HCRTR2: variants seen among roughly 807,000 people sequenced by gnomAD.
HCRTR2 encodes the protein orexin receptor type 2.
In HCRTR2, 22 loss-of-function variants were observed where a neutral mutation model predicts 49.0. That is an observed-to-expected ratio of 0.45 (90% CI 0.32 to 0.64). The LOEUF is 0.64. HCRTR2 is among the 30% of genes least tolerant of loss of function. HCRTR2 has a pLI of 0.04. For missense variants in HCRTR2, 491 were observed against 559.4 expected (o/e 0.88, Z 1.23); for synonymous variants, 236 against 205.3 (o/e 1.15, Z -1.28).
intron 1 of HCRTR2, among the ~76,000 whole-genome samples, chr6:55,124,470 G>T (rs1286888628): frequency 1.3e-5 from 2 of 152,160 alleles, no homozygotes; most frequent in African/African-American, 2.4e-5. Context: ...TTGCACTGTG[G>T]TCTGAGAGAC....
At chr6:55,242,387 G>GA (rs71771116) in intron 1 of HCRTR2, among the ~76,000 whole-genome samples, 211 of 151,186 alleles carry the variant, frequency 1.4e-3, no homozygotes, top group Middle Eastern at 3.4e-3. Context: ...GCCCCTGGGG[G>GA]AAAAAAAAAT....
At chr6:55,220,959 A>T (rs1370457234) in intron 1 of HCRTR2, among the ~76,000 whole-genome samples, 3 of 152,200 alleles carry the variant, frequency 2.0e-5, no homozygotes, top group South Asian at 4.1e-4. Context: ...TATTATCAAA[A>T]ATGACTAAAA....
At chr6:55,112,136 A>G (rs539197044) in intron 1 of HCRTR2, among the ~76,000 whole-genome samples, 95 of 152,164 alleles carry the variant, frequency 6.2e-4, no homozygotes, top group African/African-American at 2.2e-3. Flanking sequence ...CATAGAAGGA[A>G]CATATCTTAG....
At chr6:55,241,597 A>C (rs1042957913) in intron 1 of HCRTR2, among the ~76,000 whole-genome samples, 1 of 152,148 alleles carries the variant, frequency 6.6e-6, no homozygotes, top group African/African-American at 2.4e-5. Flanking sequence ...ACAACTTACT[A>C]CAAATAATAC....
chr6:55,217,086 T>C (rs1765800868), intron 1 of HCRTR2, among the ~76,000 whole-genome samples: 1 of 151,964 alleles, frequency 6.6e-6, no homozygotes, highest in South Asian at 2.1e-4. Context: ...AATGATGCGC[T>C]CACATGAAGG....
chr6:55,181,516 A>T (rs1436744118), intron 1 of HCRTR2, among the ~76,000 whole-genome samples: 1 of 152,210 alleles, frequency 6.6e-6, no homozygotes, highest in Non-Finnish European at 1.5e-5. Context: ...TTTGCCTTCA[A>T]TACTAAACAC....
intron 1 of HCRTR2, among the ~76,000 whole-genome samples, chr6:55,175,414 T>C (rs1448100254): frequency 6.6e-6 from 1 of 152,010 alleles, no homozygotes; most frequent in Non-Finnish European, 1.5e-5. Context: ...TTAAACAGGA[T>C]CCATGCCTGG....
chr6:55,151,660 C>T (rs1295620053), intron 1 of HCRTR2, among the ~76,000 whole-genome samples: 1 of 151,994 alleles, frequency 6.6e-6, no homozygotes, highest in East Asian at 1.9e-4. Context: ...TTGGTTTCCA[C>T]CCACGAATCA....
chr6:55,185,850 A>G (rs904416693), intron 1 of HCRTR2, among the ~76,000 whole-genome samples: 2 of 152,230 alleles, frequency 1.3e-5, no homozygotes, highest in Non-Finnish European at 2.9e-5. Flanking sequence ...ATATTCCTTG[A>G]CAATCTTTCT....
chr6:55,149,700 T>C (rs1764638819), intron 1 of HCRTR2, among the ~76,000 whole-genome samples: 1 of 152,054 alleles, frequency 6.6e-6, no homozygotes, highest in Non-Finnish European at 1.5e-5. Context: ...AATATTTTAA[T>C]GATAAAAATA....
chr6:55,129,123 G>A (rs961165993), intron 1 of HCRTR2, among the ~76,000 whole-genome samples: 13 of 152,160 alleles, frequency 8.5e-5, no homozygotes, highest in African/African-American at 3.1e-4. Context: ...ATGATGCTTT[G>A]TTTATGCTAA....
At chr6:55,121,235 A>C (rs1398857908) in intron 1 of HCRTR2, among the ~76,000 whole-genome samples, 1 of 152,222 alleles carries the variant, frequency 6.6e-6, no homozygotes. Flanking sequence ...TCTTTGAAGC[A>C]ATTGTGAATG....
chr6:55,160,524 A>G (rs973176967), intron 1 of HCRTR2, among the ~76,000 whole-genome samples: 1 of 152,214 alleles, frequency 6.6e-6, no homozygotes, highest in African/African-American at 2.4e-5. Flanking sequence ...TGCCCCAATT[A>G]AGAGACACAG....
At chr6:55,107,978 T>C (rs549747754) in intron 1 of HCRTR2, among the ~76,000 whole-genome samples, 2 of 152,128 alleles carry the variant, frequency 1.3e-5, no homozygotes, top group African/African-American at 2.4e-5. Flanking sequence ...CACCTATCCA[T>C]ACTTTTGGTT....
At chr6:55,216,814 C>T (rs1450079187) in intron 1 of HCRTR2, among the ~76,000 whole-genome samples, 2 of 152,148 alleles carry the variant, frequency 1.3e-5, no homozygotes, top group Non-Finnish European at 2.9e-5. Context: ...TGGCTCTCAC[C>T]CCGTATTTTT....
intron 1 of HCRTR2, among the ~76,000 whole-genome samples, chr6:55,175,740 G>A (rs1765029107): frequency 6.6e-6 from 1 of 152,054 alleles, no homozygotes; most frequent in South Asian, 2.1e-4. Flanking sequence ...AACATGGTGA[G>A]TGCGATGATG....
chr6:55,269,171 C>T (rs1263060923), intron 4 of HCRTR2, among the ~76,000 whole-genome samples: 1 of 151,260 alleles, frequency 6.6e-6, no homozygotes, highest in Non-Finnish European at 1.5e-5. Flanking sequence ...ACTATGAAAC[C>T]ACTGGGCTTA....
At chr6:55,141,604 T>A (rs1764508750) in intron 1 of HCRTR2, among the ~76,000 whole-genome samples, 1 of 152,182 alleles carries the variant, frequency 6.6e-6, no homozygotes, top group South Asian at 2.1e-4. Context: ...AGCTTATAAT[T>A]TATTTAAATA....
chr6:55,177,500 A>G (rs1185149307), intron 1 of HCRTR2, among the ~76,000 whole-genome samples: 2 of 152,196 alleles, frequency 1.3e-5, no homozygotes. Flanking sequence ...AGGATGTCAC[A>G]TGATTTATGC....
Sources: allele counts gnomAD v4.1 joint callset (sites outside exome capture counted in the v4.1 genomes callset), GRCh38; gene constraint gnomAD v4.1.1; transcripts MANE v1.5; gene names NCBI Gene and HGNC (gene_info 2026-07-23, HGNC 2026-07-21).